Variants in HHAT observed in about 807,000 individuals in gnomAD.
The protein encoded by HHAT is protein-cysteine N-palmitoyltransferase HHAT.
A neutral mutation model predicts 70.8 loss-of-function variants in HHAT; 47 were observed. The ratio of observed to expected loss-of-function variants is 0.66; its 90% CI spans 0.53 to 0.85. The LOEUF is 0.85. HHAT is among the 40% of genes least tolerant of loss of function. HHAT has a pLI of 0.00. For missense variants in HHAT, 609 were observed against 604.8 expected (o/e 1.01, Z -0.07); for synonymous variants, 228 against 247.6 (o/e 0.92, Z 0.74).
chr1:210,354,649 A>T (rs1038543608), intron 2 of HHAT, among the ~76,000 whole-genome samples: 6 of 152,172 alleles, frequency 3.9e-5, no homozygotes, highest in African/African-American at 1.4e-4. Context: ...TACATGAACA[A>T]GGGTGCCTGG....
At chr1:210,450,572 C>A (rs2093732190) in intron 7 of HHAT, among the ~76,000 whole-genome samples, 1 of 149,060 alleles carries the variant, frequency 6.7e-6, no homozygotes, top group African/African-American at 2.5e-5. Context: ...GCTACCGCAC[C>A]TGGCCATATC....
chr1:210,540,468 CACGCACACACAT>C (rs1244081899), intron 9 of HHAT, among the ~76,000 whole-genome samples: 4 of 93,550 alleles, frequency 4.3e-5, no homozygotes, highest in Non-Finnish European at 1.2e-4. Context: ...CACACACACA[CACGCACACACAT>C]GCACACACAC....
At chr1:210,525,386 C>G (rs1196515159) in intron 9 of HHAT, among the ~76,000 whole-genome samples, 1 of 152,200 alleles carries the variant, frequency 6.6e-6, no homozygotes. Context: ...AGACAACATT[C>G]CTCATCCTCC....
chr1:210,604,020 A>G (rs1376453054), intron 10 of HHAT, among the ~76,000 whole-genome samples: 1 of 152,228 alleles, frequency 6.6e-6, no homozygotes, highest in Non-Finnish European at 1.5e-5. Flanking sequence ...AGGGTATAAT[A>G]TAAAAGGTGA....
intron 9 of HHAT, among the ~76,000 whole-genome samples, chr1:210,555,344 C>A (rs1028369933): frequency 6.6e-6 from 1 of 152,182 alleles, no homozygotes; most frequent in East Asian, 1.9e-4. Flanking sequence ...GCCTCCAGAA[C>A]CCCTTCTCTG....
chr1:210,348,737 G>A (rs1044083489), intron 1 of HHAT, among the ~76,000 whole-genome samples, 196 bp from the exon 2 acceptor site: 1 of 7,850 alleles, frequency 1.3e-4, no homozygotes, highest in Non-Finnish European at 2.0e-4. Context: ...GTATGTGTGC[G>A]TGTGTGTGTG....
At chr1:210,544,208 C>G (rs905787119) in intron 9 of HHAT, among the ~76,000 whole-genome samples, 9 of 150,382 alleles carry the variant, frequency 6.0e-5, no homozygotes, top group African/African-American at 2.2e-4. Flanking sequence ...GGCATCGCCA[C>G]TGGGAGGGGA....
intron 8 of HHAT, among the ~76,000 whole-genome samples, chr1:210,476,663 G>A (rs2094311224): frequency 6.6e-6 from 1 of 152,164 alleles, no homozygotes; most frequent in Non-Finnish European, 1.5e-5. Context: ...GCCAGGGACT[G>A]CTATACCTTA....
At chr1:210,645,280 G>T (rs899840167) in intron 11 of HHAT, among the ~76,000 whole-genome samples, 89 of 152,026 alleles carry the variant, frequency 5.9e-4, no homozygotes, top group Non-Finnish European at 4.3e-4. Context: ...CTTTATTTAG[G>T]TATATATATT....
chr1:210,520,240 C>T (rs543324252), intron 9 of HHAT, among the ~76,000 whole-genome samples: 1 of 152,132 alleles, frequency 6.6e-6, no homozygotes, highest in African/African-American at 2.4e-5. Flanking sequence ...TGGTCTCGAA[C>T]TCCTGACCTC....
intron 7 of HHAT, 64 bp downstream of exon 7, chr1:210,418,389 G>A: frequency 7.0e-7 from 1 of 1,421,858 alleles, no homozygotes; most frequent in Non-Finnish European, 9.4e-7. Flanking sequence ...CATCAGAATG[G>A]AGCTGGAGTG....
chr1:210,531,151 T>C (rs1288689845), intron 9 of HHAT, among the ~76,000 whole-genome samples: 1 of 152,198 alleles, frequency 6.6e-6, no homozygotes. Context: ...AGTTGTAATA[T>C]GATGTAGGTA....
chr1:210,480,917 C>T (rs753099410), intron 8 of HHAT, among the ~76,000 whole-genome samples: 6 of 152,164 alleles, frequency 3.9e-5, no homozygotes, highest in South Asian at 2.1e-4. Context: ...ATTCACTGAT[C>T]GAACAAATAT....
chr1:210,488,999 C>T (rs1388205798), intron 8 of HHAT, among the ~76,000 whole-genome samples: 1 of 152,088 alleles, frequency 6.6e-6, no homozygotes, highest in African/African-American at 2.4e-5. Flanking sequence ...AGGAACTTTC[C>T]ATACTAAAAA....
chr1:210,350,872 A>G (rs1050858277), intron 2 of HHAT, among the ~76,000 whole-genome samples: 1 of 152,214 alleles, frequency 6.6e-6, no homozygotes, highest in Non-Finnish European at 1.5e-5. Context: ...ATTAAGTATG[A>G]CATTAGCTGT....
intron 2 of HHAT, among the ~76,000 whole-genome samples, chr1:210,356,408 C>T (rs1421615259): frequency 1.3e-5 from 2 of 151,008 alleles, no homozygotes; most frequent in Admixed American, 6.6e-5. Flanking sequence ...TTTTAATATT[C>T]AGTGATATAT....
chr1:210,474,577 G>A (rs189880242), intron 8 of HHAT, among the ~76,000 whole-genome samples: 2 of 152,334 alleles, frequency 1.3e-5, no homozygotes, highest in African/African-American at 2.4e-5. Context: ...TATTTCCTAT[G>A]TTGACCTGAG....
At chr1:210,442,420 C>T (rs938274733) in intron 7 of HHAT, among the ~76,000 whole-genome samples, 6 of 145,948 alleles carry the variant, frequency 4.1e-5, no homozygotes, top group Non-Finnish European at 7.5e-5. Context: ...CCTGAGGAAT[C>T]GCCACACTGA....
intron 9 of HHAT, among the ~76,000 whole-genome samples, chr1:210,527,296 G>A (rs908814252): frequency 1.2e-4 from 19 of 152,270 alleles, no homozygotes; most frequent in African/African-American, 3.6e-4. Context: ...TGGTTTTTCA[G>A]CTCAGGCTCC....
Sources: allele counts gnomAD v4.1 joint callset (sites outside exome capture counted in the v4.1 genomes callset), GRCh38; gene constraint gnomAD v4.1.1; transcripts MANE v1.5; gene names NCBI Gene and HGNC (gene_info 2026-07-23, HGNC 2026-07-21).